The following NSD3 variants were observed in gnomAD, a reference collection of about 807,000 sequenced individuals.
NSD3 encodes nuclear receptor binding SET domain protein 3, also known as histone-lysine N-methyltransferase NSD3.
In NSD3, 24 loss-of-function variants were observed where a neutral mutation model predicts 160.8. That is an observed-to-expected ratio of 0.15 (90% confidence interval 0.11 to 0.21). The LOEUF (loss-of-function observed/expected upper bound fraction) is 0.21, where lower values mean the gene tolerates loss of function less well. Among genes scored for constraint, NSD3 ranks in the 10% least tolerant of loss-of-function variants. The pLI is 1.00. For synonymous variants in NSD3, 520 were observed against 600.0 expected (o/e 0.87, Z 1.95); for missense variants, 1,157 against 1,735.9 (o/e 0.67, Z 5.93).
intron 19 of NSD3, 112 bp from the exon 20 acceptor site, chr8:38,281,695 C>A: frequency 1.8e-6 from 1 of 561,732 alleles, no homozygotes; most frequent in East Asian, 3.2e-5. Flanking sequence ...AATATAACTT[C>A]AACCCTAGAA....
chr8:38,329,304 C>T lies in NSD3; in HGVS notation c.1581+74G>A. On this transcript the variant is annotated intron_variant, in intron 6 of 23. Transcript: ENST00000317025. This position sits in a 1 kb window ranked among gnomAD's most constrained non-coding sequence, Gnocchi z 4.8. ...AAGGGTATTTAAATTATGCCAAGGTCATTGTTTTAAATGCCAAGGTTGACC... is the reference window on the plus strand; with the variant it reads ...AAGGGTATTTAAATTATGCCAAGGTTATTGTTTTAAATGCCAAGGTTGACC... 2 of 1,496,100 alleles carry T rather than the reference C, an allele frequency of 1.3e-6. No homozygotes were observed. The highest frequency in any genetic ancestry group is 1.8e-6 in the Non-Finnish European group (2 of 1,107,362). 92.7% of individuals were successfully genotyped at this position (1,496,100 alleles called of 1,614,324 possible). A position where few individuals can be genotyped will look rare whatever the true frequency, so the allele number is the denominator to read the frequency against.
In NSD3 at chr8:38,314,773, T is replaced by C; in HGVS notation, c.2116A>G (p.Ile706Val). 1 of 1,613,598 alleles carries C rather than the reference T, an allele frequency of 6.2e-7. No individual in the cohort carries two copies. Among genetic ancestry groups the C allele is most frequent in the Non-Finnish European group, 8.5e-7 (1 of 1,179,776 alleles). ...AGAGAGTCACCAGAGCTTTCACAAA[T>C]CTGTAATATGGCAAAAAGCAGTGGT... ...GMSKKDTVCQ[I>V]CESSGDSLIP... is the part of the protein sequence containing the mutation. The change falls in exon 12 of 24, where the codon ATT becomes GTT. Residue 706 changes from isoleucine (I) to valine (V), a missense_variant and splice_region_variant. Around this residue, in one of 10 missense-constraint regions of NSD3, gnomAD observed 437 missense variants for 576.6 expected, o/e 0.76. Coordinates refer to ENST00000317025, the MANE Select transcript of NSD3 (RefSeq NM_023034.2).
chr8:38,307,017 A>G (rs1340306416), intron 12 of NSD3, among the ~76,000 whole-genome samples: 1 of 151,590 alleles, frequency 6.6e-6, no homozygotes, highest in Admixed American at 6.6e-5. Context: ...CGGGAGGCAG[A>G]GGCAGGAGAA....
At chr8:38,343,263 A>G (rs1810423700) in intron 2 of NSD3, among the ~76,000 whole-genome samples, 1 of 152,200 alleles carries the variant, frequency 6.6e-6, no homozygotes, top group African/African-American at 2.4e-5. Context: ...TACTTATATA[A>G]ATTTCAAAAA....
intron 1 of NSD3, among the ~76,000 whole-genome samples, chr8:38,358,704 C>T (rs1042497616): frequency 2.0e-5 from 3 of 152,018 alleles, no homozygotes; most frequent in African/African-American, 4.8e-5. Flanking sequence ...ACTGAATGAT[C>T]ACTTAATGTT....
At chr8:38,330,545 T>A (rs1810032237) in intron 5 of NSD3, among the ~76,000 whole-genome samples, 1 of 152,196 alleles carries the variant, frequency 6.6e-6, no homozygotes, top group Admixed American at 6.5e-5. Flanking sequence ...TGAATAAAGA[T>A]GTGTGAGATG....
chr8:38,288,406 C>T lies in NSD3; in HGVS notation c.3501+81G>A. The T allele has an allele frequency of 2.0e-6, 3 of 1,519,884 alleles. No individual in the cohort carries two copies. The highest frequency in any genetic ancestry group is 2.7e-6 in the Non-Finnish European group (3 of 1,130,276). 94.1% of individuals were successfully genotyped at this position (1,519,884 alleles called of 1,614,324 possible). A position where few individuals can be genotyped will look rare whatever the true frequency, so the allele number is the denominator to read the frequency against. On this transcript the variant is annotated intron_variant, in intron 19 of 23. Transcript: ENST00000317025. The surrounding 1 kb of genome is among the most constrained non-coding windows in gnomAD (Gnocchi z 4.5). ...TACCACAAATTCCTGCTGATTTTATCCCTAGAACTATACCCTACTGAAGCA... is the reference window on the plus strand; with the variant it reads ...TACCACAAATTCCTGCTGATTTTATTCCTAGAACTATACCCTACTGAAGCA...
chr8:38,356,184 C>A (rs188147591), intron 1 of NSD3, among the ~76,000 whole-genome samples: 61 of 152,208 alleles, frequency 4.0e-4, no homozygotes, highest in Non-Finnish European at 7.5e-4. Flanking sequence ...ATCCTCTGAA[C>A]AATGTTTCTA....
chr8:38,339,065 A>C (rs924592129), intron 2 of NSD3, among the ~76,000 whole-genome samples: 1 of 150,498 alleles, frequency 6.6e-6, no homozygotes, highest in African/African-American at 2.4e-5. Flanking sequence ...ACTTGAACCC[A>C]GGAGGCGGAG....
At chr8:38,340,470 T>C (rs1174348674) in intron 2 of NSD3, among the ~76,000 whole-genome samples, 8 of 152,140 alleles carry the variant, frequency 5.3e-5, no homozygotes, top group Non-Finnish European at 1.2e-4. Flanking sequence ...CCTGAGAAAC[T>C]GGGAATACAG....
Position 38,318,670 on chromosome 8 carries a change from G to A in NSD3, c.1855+225C>T, listed in dbSNP as rs144856412. Among the ~76,000 whole-genome samples the A allele has an allele frequency of 3.9e-5, 6 of 152,298 alleles. No individual in the cohort carries two copies. In the East Asian group the frequency reaches 1.2e-3, roughly 29 times the overall value. The stretch of plus-strand genomic sequence containing the variant: ...TTGGAAACAGTATCAAGTCTACGTT[G>A]TGTTCTCCAATTTACCAAAACAAGT... On this transcript the variant is annotated intron_variant, in intron 9 of 23. Coordinates refer to ENST00000317025, the MANE Select transcript of NSD3 (RefSeq NM_023034.2). This position sits in a 1 kb window ranked among gnomAD's most constrained non-coding sequence, Gnocchi z 5.3.
intron 4 of NSD3, among the ~76,000 whole-genome samples, chr8:38,334,598 CAA>C (rs541026502): frequency 2.1e-5 from 3 of 140,648 alleles, no homozygotes. Flanking sequence ...ACTAAAAATA[CAA>C]AAAAAAAAAA....
In NSD3 at chr8:38,343,821, C is replaced by T. The variant is rs73674149; in HGVS notation, c.675+3676G>A. 3.0e-3 allele frequency among the ~76,000 whole-genome samples: 450 copies of T among 152,272 alleles called. 1 individual carries two copies. Among genetic ancestry groups the T allele is most frequent in the African/African-American group, 0.01 (431 of 41,562 alleles). ...GAGGCTAGAGAACCAAACCTGCTAC[C>T]TTAGTGTTCACGGGACTGATCCAGC... On this transcript the variant is annotated intron_variant, in intron 2 of 23. Coordinates refer to ENST00000317025, the MANE Select transcript of NSD3 (RefSeq NM_023034.2).
intron 16 of NSD3, among the ~76,000 whole-genome samples, chr8:38,292,667 G>A (rs757552999): frequency 5.3e-5 from 8 of 151,954 alleles, no homozygotes; most frequent in Non-Finnish European, 8.8e-5. Flanking sequence ...CGGGTGCCTG[G>A]AGTCTCAGCT....
In NSD3 at chr8:38,317,995, G is replaced by C; in HGVS notation, c.1855+900C>G. The C allele has an allele frequency of 6.2e-7, 1 of 1,614,192 alleles. No individual in the cohort carries two copies. The highest frequency in any genetic ancestry group is 1.1e-5 in the South Asian group (1 of 91,088). ...CCTCAATCGCTGCGGAGACGGAGCT[G>C]TCACTGAATCTGACAGAGCCCTGCA... On this transcript the variant is annotated intron_variant, in intron 9 of 23. Transcript: ENST00000317025. The surrounding 1 kb of genome is among the most constrained non-coding windows in gnomAD (Gnocchi z 5.3).
At chr8:38,343,939 GT>G (rs1393488516) in intron 2 of NSD3, among the ~76,000 whole-genome samples, 2 of 152,134 alleles carry the variant, frequency 1.3e-5, no homozygotes, top group African/African-American at 2.4e-5. Flanking sequence ...TAGGAGACCA[GT>G]GACTGTTTGA....
intron 14 of NSD3, among the ~76,000 whole-genome samples, chr8:38,300,581 AAAC>A (rs1809254962): frequency 6.6e-6 from 1 of 152,210 alleles, no homozygotes; most frequent in Admixed American, 6.5e-5. Context: ...GCGTTAATAA[AAAC>A]AATCTTTTTG....
rs144419299 is a variant in NSD3 at position 38,329,505 on chromosome 8, A to G, written c.1454T>C (p.Met485Thr). The G allele has an allele frequency of 6.2e-7, 1 of 1,614,178 alleles. No homozygotes were observed. The highest frequency in any genetic ancestry group is 1.3e-5 in the African/African-American group (1 of 75,050). Residue 485 changes from methionine (M) to threonine (T), a missense_variant, in exon 6 of 24, where the codon ATG becomes ACG. Met to Thr is a moderately conservative substitution (Grantham distance 81). Coordinates refer to ENST00000317025, the MANE Select transcript of NSD3 (RefSeq NM_023034.2). The surrounding 1 kb of genome is among the most constrained non-coding windows in gnomAD (Gnocchi z 4.8). ...CTGCAAATCCAGGCTCCCTTTGTGC[A>G]TCGTAATGGAAGCTGGTAAGGATTT... ...ARKSLPASIT[M>T]HKGSLDLQKC...
chr8:38,304,438 C>A, intron 14 of NSD3, 149 bp downstream of exon 14: 1 of 620,008 alleles, frequency 1.6e-6, no homozygotes, highest in South Asian at 3.4e-5. Context: ...ATGTTCATCT[C>A]TCTCAGGGAT....
Sources: gnomAD v4.1 joint callset for allele counts (sites outside exome capture counted in the v4.1 genomes callset) on GRCh38, gnomAD v4.1.1 for gene constraint, gnomAD v4.1.1 regional missense constraint, Gnocchi (gnomAD v3.1) non-coding constraint, MANE v1.5 for transcripts, NCBI Gene and HGNC (gene_info 2026-07-23, HGNC 2026-07-21) for gene names.